ZNF561: variants seen among roughly 807,000 people sequenced by gnomAD.
The protein encoded by ZNF561 is zinc finger protein 561.
ZNF561 carries 16 observed loss-of-function variants against 16.7 expected under a neutral mutation model. The observed-to-expected ratio is 0.96, with a 90% confidence interval of 0.65 to 1.45. The LOEUF (loss-of-function observed/expected upper bound fraction) is 1.45. ZNF561 is among the 40% of genes most tolerant of loss of function. The pLI, the probability that ZNF561 is intolerant of heterozygous loss-of-function variation, is 0.00. For synonymous variants in ZNF561, 190 were observed against 192.1 expected (o/e 0.99, Z 0.09); for missense variants, 580 against 578.0 (o/e 1.00, Z -0.04).
Position 9,617,093 on chromosome 19 carries a change from G to C in ZNF561, c.193C>G (p.Leu65Val). ...TTCTCCAGCATCACATCTCTGTAGA[G>C]GTATTTCTCAGTTGTGTCCAGTAAA... ...WALLDTTEKY[L>V]YRDVMLENYM... Residue 65 changes from leucine (L) to valine (V), a missense_variant, in exon 4 of 6, where the codon CTC becomes GTC. Physicochemically the swap from Leu to Val is conservative, Grantham distance 32 (BLOSUM62 1). Transcript: ENST00000302851. 7 of 1,613,440 alleles carry C rather than the reference G, an allele frequency of 4.3e-6. No individual in the cohort carries two copies. The highest frequency in any genetic ancestry group is 5.9e-6 in the Non-Finnish European group (7 of 1,179,530).
intron 5 of ZNF561, among the ~76,000 whole-genome samples, chr19:9,611,840 G>C (rs918669355): frequency 2.6e-5 from 4 of 152,192 alleles, no homozygotes; most frequent in African/African-American, 9.7e-5. Flanking sequence ...ACTCCTGGCT[G>C]AGTTCAAGTG....
chr19:9,618,492 C>T (rs1186822929), intron 2 of ZNF561, among the ~76,000 whole-genome samples: 6 of 151,988 alleles, frequency 3.9e-5, no homozygotes, highest in Admixed American at 1.3e-4. Context: ...TTTGGGAGGC[C>T]GAGGCGGGTG....
rs2074418013 is a variant in ZNF561 at position 9,610,133 on chromosome 19, A to G, written c.*67T>C. The G allele has an allele frequency of 1.4e-6, 2 of 1,405,556 alleles. No individual in the cohort carries two copies. The highest frequency in any genetic ancestry group is 4.7e-5 in the East Asian group (2 of 42,796). The allele number at this position is 1,405,556 out of a possible 1,614,324, so 87.1% of individuals were successfully genotyped here. A position where few individuals can be genotyped will look rare whatever the true frequency, so the allele number is the denominator to read the frequency against. On this transcript the variant is annotated 3_prime_UTR_variant, in exon 6 of 6. Coordinates refer to ENST00000302851, the MANE Select transcript of ZNF561 (RefSeq NM_152289.3). The stretch of plus-strand genomic sequence containing the variant: ...TCCATGAGTCATTACAACCTCCAAA[A>G]GGCATTTAGGACAAATCTGATAATC...
chr19:9,617,369 G>A (rs2074574485), intron 3 of ZNF561, 198 bp from the exon 4 acceptor site: 2 of 1,219,152 alleles, frequency 1.6e-6, no homozygotes, highest in Admixed American at 4.0e-5. Flanking sequence ...GCCTTAAACA[G>A]CACTTTTTAA....
At position 9,617,044 on chromosome 19, in the gene ZNF561, C is replaced by T; in HGVS notation, c.241+1G>A. The T allele has an allele frequency of 6.2e-7, 1 of 1,608,824 alleles. No homozygotes were observed. Among genetic ancestry groups the T allele is most frequent in the Non-Finnish European group, 8.5e-7 (1 of 1,176,606 alleles). On this transcript the variant is annotated splice_donor_variant, in intron 4 of 5. Transcript: ENST00000302851. LOFTEE classifies it high-confidence loss of function. ...GCCAAGCATAGTGATGTTACTCTTA[C>T]CCACAGAGGCCAGGTTCATGTAGTT...
chr19:9,613,923 A>T, intron 5 of ZNF561, 98 bp downstream of exon 5: 1 of 1,445,196 alleles, frequency 6.9e-7, no homozygotes, highest in Non-Finnish European at 9.6e-7. Context: ...CTGGGATTAC[A>T]GATGTAAGCC....
intron 5 of ZNF561, 71 bp from the exon 6 acceptor site, chr19:9,611,407 G>A: frequency 7.0e-7 from 1 of 1,421,754 alleles, no homozygotes; most frequent in South Asian, 1.6e-5. Flanking sequence ...TCTGAACACA[G>A]AAGCATTTTG....
chr19:9,613,814 CCTT>C (rs1347080052), intron 5 of ZNF561, among the ~76,000 whole-genome samples: 1 of 152,062 alleles, frequency 6.6e-6, no homozygotes, highest in Non-Finnish European at 1.5e-5. Context: ...ACCACATTCA[CCTT>C]CTTTTTAAAA....
intron 3 of ZNF561, 161 bp downstream of exon 3, chr19:9,617,930 G>C: frequency 1.5e-6 from 1 of 672,946 alleles, no homozygotes; most frequent in Non-Finnish European, 2.6e-6. Context: ...TTTATGTATA[G>C]GAGACTTCAT....
chr19:9,617,495 C>A, intron 3 of ZNF561: 1 of 280,962 alleles, frequency 3.6e-6, no homozygotes, highest in Non-Finnish European at 6.2e-6. Flanking sequence ...GATGAATTTT[C>A]CTCTATCTAT....
In ZNF561 at chr19:9,616,981, C is replaced by T. The variant is rs2074566028; in HGVS notation, c.241+64G>A. ...GGCTCCAGCGATTCTCCCACCTCAG[C>T]CTCCCAAGTATCTGGGACTACAGGT... On this transcript the variant is annotated intron_variant, in intron 4 of 5. Coordinates refer to ENST00000302851, the MANE Select transcript of ZNF561 (RefSeq NM_152289.3). 3.3e-6 allele frequency: 5 copies of T among 1,519,566 alleles called. No homozygotes were observed. In the South Asian group the frequency reaches 5.2e-5, roughly 16 times the overall value. The allele number at this position is 1,519,566 out of a possible 1,614,324, so 94.1% of individuals were successfully genotyped here.
intron 5 of ZNF561, among the ~76,000 whole-genome samples, chr19:9,611,929 GTTTA>G (rs937628943): frequency 1.3e-5 from 2 of 151,982 alleles, no homozygotes; most frequent in Non-Finnish European, 2.9e-5. Flanking sequence ...CAGTTTGTTT[GTTTA>G]TTTATTTATT....
chr19:9,613,283 G>A (rs1018152292), intron 5 of ZNF561, among the ~76,000 whole-genome samples: 1 of 152,076 alleles, frequency 6.6e-6, no homozygotes, highest in African/African-American at 2.4e-5. Flanking sequence ...ATTCTCTCAA[G>A]TATCTCTCAT....
rs962475308 is a variant in ZNF561 at position 9,617,177 on chromosome 19, T to C, written c.115-6A>G. ...TCATCAAACGTCACTGAATCCTATG[T>C]CATCATACACATGCTGGTTTGAGCC... On this transcript the variant is annotated splice_region_variant and splice_polypyrimidine_tract_variant and intron_variant, in intron 3 of 5. Transcript: ENST00000302851. 1.2e-6 allele frequency: 2 copies of C among 1,611,536 alleles called. No individual in the cohort carries two copies. The highest frequency in any genetic ancestry group is 2.7e-5 in the African/African-American group (2 of 74,880).
chr19:9,617,086 C>T lies in ZNF561; in HGVS notation c.200G>A (p.Arg67Lys). ...CATGTAGTTCTCCAGCATCACATCT[C>T]TGTAGAGGTATTTCTCAGTTGTGTC... ...LLDTTEKYLYRDVMLENYMNL... is the reference protein window; with the variant it reads ...LLDTTEKYLYKDVMLENYMNL... Residue 67 changes from arginine to lysine, a missense_variant, in exon 4 of 6, where the codon AGA becomes AAA. Arg to Lys is a conservative substitution (Grantham distance 26, BLOSUM62 2). Coordinates refer to ENST00000302851, the MANE Select transcript of ZNF561 (RefSeq NM_152289.3). The T allele has an allele frequency of 6.2e-7, 1 of 1,613,490 alleles. No homozygotes were observed. Among genetic ancestry groups the T allele is most frequent in the Non-Finnish European group, 8.5e-7 (1 of 1,179,596 alleles).
chr19:9,615,751 C>CA (rs1192652868), intron 4 of ZNF561, among the ~76,000 whole-genome samples: 5,767 of 85,338 alleles, frequency 0.068, 127 homozygotes, highest in Middle Eastern at 0.11. Context: ...ACTAAAAATA[C>CA]AAAAAAAAAA....
Position 9,619,585 on chromosome 19 carries a change from G to A in ZNF561, c.-126-3C>T. 4.0e-6 allele frequency: 3 copies of A among 742,794 alleles called. No individual in the cohort carries two copies. The South Asian group carries it at 6.3e-5, about 16-fold the overall frequency. 46.0% of individuals were successfully genotyped at this position (742,794 alleles called of 1,614,324 possible). On this transcript the variant is annotated splice_region_variant and splice_polypyrimidine_tract_variant and intron_variant, in intron 1 of 5. Coordinates refer to ENST00000302851, the MANE Select transcript of ZNF561 (RefSeq NM_152289.3). The stretch of plus-strand genomic sequence containing the variant: ...TTTGTACAGGGTTATTTGCGGTCCT[G>A]TTCATATCAATCATCAAACAACAAG...
chr19:9,614,408 A>C (rs983480421), intron 4 of ZNF561: 31 of 268,926 alleles, frequency 1.2e-4, no homozygotes, highest in African/African-American at 5.1e-4. Context: ...CAGGAGTTCG[A>C]GACCAGCCTG....
rs368461216 is a variant in ZNF561 at position 9,617,194 on chromosome 19, G to A, written c.115-23C>T. 5.4e-5 allele frequency: 87 copies of A among 1,606,652 alleles called. 1 individual carries two copies. The highest frequency in any genetic ancestry group is 1.5e-4 in the Admixed American group (9 of 59,422). ...ATCCTATGTCATCATACACATGCTG[G>A]TTTGAGCCAATGAACACTTCCACCA... On this transcript the variant is annotated intron_variant, in intron 3 of 5. Coordinates refer to ENST00000302851, the MANE Select transcript of ZNF561 (RefSeq NM_152289.3).
Sources: gnomAD v4.1 joint callset for allele counts (sites outside exome capture counted in the v4.1 genomes callset) on GRCh38, gnomAD v4.1.1 for gene constraint, MANE v1.5 for transcripts, NCBI Gene and HGNC (gene_info 2026-07-23, HGNC 2026-07-21) for gene names.